Variants in ATRNL1 observed in about 807,000 individuals in gnomAD.
The protein encoded by ATRNL1 is attractin like 1.
ATRNL1 carries 95 observed loss-of-function variants against 182.7 expected under a neutral mutation model. The ratio of observed to expected loss-of-function variants is 0.52; its 90% CI spans 0.44 to 0.62. The LOEUF is 0.62. Ranked by LOEUF, ATRNL1 falls within the 20% of genes least tolerant of loss-of-function variation. The pLI is 0.00. For synonymous variants in ATRNL1, 576 were observed against 568.3 expected (o/e 1.01, Z -0.19); for missense variants, 1,471 against 1,679.5 (o/e 0.88, Z 2.17).
chr10:115,911,874 T>C (rs1952689187), intron 28 of ATRNL1, among the ~76,000 whole-genome samples: 1 of 152,180 alleles, frequency 6.6e-6, no homozygotes, highest in Non-Finnish European at 1.5e-5. Flanking sequence ...CACCATCCCG[T>C]GTTTCTCCCC....
At chr10:115,658,434 G>T (rs566900881) in intron 26 of ATRNL1, among the ~76,000 whole-genome samples, 1 of 152,040 alleles carries the variant, frequency 6.6e-6, no homozygotes, top group East Asian at 1.9e-4. Flanking sequence ...TATATTTGTT[G>T]AATGAATGAA....
At chr10:115,632,585 T>G (rs1195283658) in intron 26 of ATRNL1, among the ~76,000 whole-genome samples, 4 of 152,226 alleles carry the variant, frequency 2.6e-5, no homozygotes, top group African/African-American at 9.6e-5. Context: ...TTTGATTATC[T>G]TGACAAGCAA....
At chr10:115,641,931 C>T (rs943865310) in intron 26 of ATRNL1, among the ~76,000 whole-genome samples, 5 of 151,898 alleles carry the variant, frequency 3.3e-5, no homozygotes, top group Non-Finnish European at 5.9e-5. Flanking sequence ...ATAATCATTT[C>T]ATGAGCTCTC....
chr10:115,620,736 T>G (rs1303524814), intron 26 of ATRNL1, among the ~76,000 whole-genome samples: 1 of 152,232 alleles, frequency 6.6e-6, no homozygotes, highest in African/African-American at 2.4e-5. Flanking sequence ...TTAAGGTATT[T>G]CTGACCAATT....
intron 11 of ATRNL1, among the ~76,000 whole-genome samples, chr10:115,265,945 T>A (rs1851590895): frequency 6.6e-6 from 1 of 151,796 alleles, no homozygotes; most frequent in South Asian, 2.1e-4. Flanking sequence ...ATCCTAAATA[T>A]GTAAAAATTC....
rs113999363 is a variant in ATRNL1, at chr10:115,121,644, T to C, written c.378-55T>C. 3.9e-4 allele frequency: 260 copies of C among 671,732 alleles called. No homozygotes were observed. In the African/African-American group the frequency reaches 4.5e-3, roughly 12 times the overall value. 41.6% of individuals were successfully genotyped at this position (671,732 alleles called of 1,614,324 possible). A position where few individuals can be genotyped will look rare whatever the true frequency, so the allele number is the denominator to read the frequency against. On this transcript the variant is annotated intron_variant, in intron 2 of 28. Coordinates refer to ENST00000355044, the MANE Select transcript of ATRNL1 (RefSeq NM_207303.4). ...TTATATAATAAATATTATGTATTTATTCACTCTGTGCTTTGTATATTTTAA... is the reference window on the plus strand; with the variant it reads ...TTATATAATAAATATTATGTATTTACTCACTCTGTGCTTTGTATATTTTAA...
At chr10:115,844,125 A>G (rs1453504485) in intron 27 of ATRNL1, among the ~76,000 whole-genome samples, 2 of 152,086 alleles carry the variant, frequency 1.3e-5, no homozygotes, top group South Asian at 2.1e-4. Flanking sequence ...CTTTGGAACT[A>G]CTGAAAAGGT....
At chr10:115,276,533 G>A (rs550370575) in intron 13 of ATRNL1, among the ~76,000 whole-genome samples, 1 of 152,288 alleles carries the variant, frequency 6.6e-6, no homozygotes, top group South Asian at 2.1e-4. Flanking sequence ...AGAATTTGAT[G>A]TAATGTGTCC....
chr10:115,845,523 T>G (rs1950907711), intron 27 of ATRNL1, among the ~76,000 whole-genome samples: 1 of 152,050 alleles, frequency 6.6e-6, no homozygotes, highest in Non-Finnish European at 1.5e-5. Flanking sequence ...GATGATTTGA[T>G]GTTTTGAAAT....
intron 21 of ATRNL1, among the ~76,000 whole-genome samples, chr10:115,435,852 A>T (rs1846379959): frequency 6.6e-6 from 1 of 152,218 alleles, no homozygotes; most frequent in South Asian, 2.1e-4. Context: ...TACTAGAATC[A>T]AATTCTGTGA....
At chr10:115,360,706 A>C (rs191600688) in intron 19 of ATRNL1, among the ~76,000 whole-genome samples, 116 of 151,558 alleles carry the variant, frequency 7.7e-4, no homozygotes, top group Non-Finnish European at 1.4e-3. Flanking sequence ...ACATTTGCAG[A>C]ATGTGGAGGA....
chr10:115,528,131 AG>A (rs1478661147), intron 25 of ATRNL1, among the ~76,000 whole-genome samples: 1 of 150,810 alleles, frequency 6.6e-6, no homozygotes, highest in East Asian at 2.0e-4. Flanking sequence ...ATTAATATGT[AG>A]TATGCTGGTC....
At chr10:115,503,019 A>G (rs1426688899) in intron 24 of ATRNL1, among the ~76,000 whole-genome samples, 3 of 152,070 alleles carry the variant, frequency 2.0e-5, no homozygotes, top group Non-Finnish European at 2.9e-5. Flanking sequence ...TTTGACTGGC[A>G]TCTTTTACCG....
At chr10:115,457,687 C>T (rs1239255955) in intron 21 of ATRNL1, among the ~76,000 whole-genome samples, 1 of 152,020 alleles carries the variant, frequency 6.6e-6, no homozygotes, top group Non-Finnish European at 1.5e-5. Context: ...AAGGGAGCTT[C>T]CAAATGATCC....
At chr10:115,235,736 G>T (rs567040505) in intron 9 of ATRNL1, among the ~76,000 whole-genome samples, 1 of 152,118 alleles carries the variant, frequency 6.6e-6, no homozygotes, top group South Asian at 2.1e-4. Context: ...GGTAAAAGTG[G>T]TATATTTTAG....
At chr10:115,451,142 T>G (rs900398909) in intron 21 of ATRNL1, among the ~76,000 whole-genome samples, 1 of 152,142 alleles carries the variant, frequency 6.6e-6, no homozygotes, top group Admixed American at 6.6e-5. Context: ...AAAACTTAAA[T>G]GTAAAACACA....
At chr10:115,884,863 C>T (rs1280922152) in intron 28 of ATRNL1, among the ~76,000 whole-genome samples, 2 of 152,170 alleles carry the variant, frequency 1.3e-5, no homozygotes, top group Non-Finnish European at 2.9e-5. Context: ...GTGGAATTGA[C>T]TTCTCTAATT....
rs1191039011 is a variant in ATRNL1, at chr10:115,181,660, C to T, written c.1348+10368C>T. Among the ~76,000 whole-genome samples the T allele has an allele frequency of 4.6e-5, 7 of 151,666 alleles. No homozygotes were observed. In the South Asian group the frequency reaches 1.5e-3, roughly 31 times the overall value. ...TTCATTACTTATCAATTATTTCCAA[C>T]TATGCTAAAAATTAACAATAAAACA... On this transcript the variant is annotated intron_variant, in intron 8 of 28. Transcript: ENST00000355044.
At chr10:115,157,913 T>C (rs564696577) in intron 5 of ATRNL1, among the ~76,000 whole-genome samples, 7 of 152,202 alleles carry the variant, frequency 4.6e-5, no homozygotes, top group African/African-American at 1.7e-4. Context: ...TTTTCAAGAT[T>C]TTTTTCATGC....
Sources: allele counts gnomAD v4.1 joint callset (sites outside exome capture counted in the v4.1 genomes callset), GRCh38; gene constraint gnomAD v4.1.1; transcripts MANE v1.5; gene names NCBI Gene and HGNC (gene_info 2026-07-23, HGNC 2026-07-21).